Variants in SLC24A2 observed in about 807,000 individuals in gnomAD.
SLC24A2 encodes sodium/potassium/calcium exchanger 2.
Under a neutral mutation model 62.0 loss-of-function variants are expected in SLC24A2, and 36 were observed. The ratio of observed to expected loss-of-function variants is 0.58; its 90% confidence interval spans 0.44 to 0.77. The LOEUF is 0.77. Among genes scored for constraint, SLC24A2 ranks in the 30% least tolerant of loss-of-function variants. SLC24A2 has a pLI of 0.00. For synonymous variants in SLC24A2, 358 were observed against 294.0 expected (o/e 1.22, Z -2.23); for missense variants, 846 against 817.9 (o/e 1.03, Z -0.42).
At chr9:20,193,135 C>A in the SLC24A2 span, among the ~76,000 whole-genome samples, 1 of 152,086 alleles carries the variant, frequency 6.6e-6, no homozygotes, top group South Asian at 2.1e-4. Context: ...GGTGGTAGAA[C>A]AGTCCACATG....
the SLC24A2 span, among the ~76,000 whole-genome samples, chr9:20,087,879 A>G: frequency 1.3e-5 from 2 of 152,308 alleles, no homozygotes; most frequent in South Asian, 2.1e-4. Flanking sequence ...TGGGAGCAAC[A>G]TGGATCTAGA....
the SLC24A2 span, among the ~76,000 whole-genome samples, chr9:20,221,281 T>C: frequency 6.6e-6 from 1 of 152,044 alleles, no homozygotes; most frequent in Non-Finnish European, 1.5e-5. Flanking sequence ...AGAAAGCTAA[T>C]CGTGGCTTAG....
At chr9:20,306,225 C>T in the SLC24A2 span, among the ~76,000 whole-genome samples, 15 of 152,310 alleles carry the variant, frequency 9.8e-5, no homozygotes, top group African/African-American at 3.6e-4. Flanking sequence ...CAGAATGATT[C>T]TTTAACTCCT....
rs746434012 is a variant in SLC24A2, at chr9:19,786,572, G to T, written c.295C>A (p.Pro99Thr). The T allele has an allele frequency of 6.2e-7, 1 of 1,614,154 alleles. No individual in the cohort carries two copies. The highest frequency in any genetic ancestry group is 1.7e-5 in the Admixed American group (1 of 60,024). ...DLNDKILDYT[P>T]QPPLSKEGES... ...CCTTCCTTAGAAAGAGGTGGCTGTG[G>T]AGTATAATCCAGAATCTTGTCATTT... The change falls in exon 2 of 11, where the codon CCA becomes ACA. Residue 99 changes from proline (P) to threonine (T), a missense_variant. By Grantham distance (38) the Pro-to-Thr change is conservative (BLOSUM62 -1). Coordinates refer to ENST00000341998, the MANE Select transcript of SLC24A2 (RefSeq NM_020344.4). The surrounding 1 kb of genome is among the most constrained non-coding windows in gnomAD (Gnocchi z 5.0).
chr9:19,568,980 C>G (rs187681702), intron 7 of SLC24A2, among the ~76,000 whole-genome samples: 2 of 152,248 alleles, frequency 1.3e-5, no homozygotes, highest in Non-Finnish European at 2.9e-5. Context: ...ATACTGGATA[C>G]AATTTGGCAT....
chr9:19,523,790 T>C (rs548047919), intron 9 of SLC24A2, among the ~76,000 whole-genome samples: 1 of 152,240 alleles, frequency 6.6e-6, no homozygotes, highest in South Asian at 2.1e-4. Context: ...AACTCAGACA[T>C]TACTCCTTTC....
the SLC24A2 span, among the ~76,000 whole-genome samples, chr9:20,251,348 C>G: frequency 1.3e-4 from 19 of 150,480 alleles, no homozygotes; most frequent in East Asian, 4.0e-4. Context: ...CCTTCATGAG[C>G]TTTCTCATCC....
chr9:19,691,801 G>C (rs571272891), intron 2 of SLC24A2, among the ~76,000 whole-genome samples: 90 of 152,220 alleles, frequency 5.9e-4, no homozygotes, highest in African/African-American at 2.1e-3. Context: ...GACAAGGACT[G>C]GAGTTCAAGT....
chr9:20,149,177 C>G, the SLC24A2 span, among the ~76,000 whole-genome samples: 1 of 152,016 alleles, frequency 6.6e-6, no homozygotes, highest in African/African-American at 2.4e-5. Flanking sequence ...AGTCCAGCTT[C>G]CAACTGCAAT....
intron 2 of SLC24A2, among the ~76,000 whole-genome samples, chr9:19,675,523 G>A (rs1480010913): frequency 6.6e-6 from 1 of 152,118 alleles, no homozygotes; most frequent in Non-Finnish European, 1.5e-5. Flanking sequence ...TTCGGGTGCG[G>A]CTTGCTGTGC....
At chr9:20,052,431 G>A in the SLC24A2 span, among the ~76,000 whole-genome samples, 4 of 152,280 alleles carry the variant, frequency 2.6e-5, no homozygotes, top group South Asian at 8.3e-4. Context: ...CTGAAATAAG[G>A]AACAATTGCA....
the SLC24A2 span, among the ~76,000 whole-genome samples, chr9:20,187,964 T>A: frequency 0.094 from 14,274 of 152,242 alleles, 1,451 homozygotes; most frequent in East Asian, 0.48. Flanking sequence ...ACTGTGCAGA[T>A]CCTCAGGAGG....
the SLC24A2 span, among the ~76,000 whole-genome samples, chr9:20,288,662 G>T: frequency 6.7e-6 from 1 of 150,372 alleles, no homozygotes; most frequent in South Asian, 2.1e-4. Context: ...GAAGGCTGAT[G>T]CACAAGAATC....
At chr9:19,857,453 A>G in the SLC24A2 span, among the ~76,000 whole-genome samples, 5 of 152,196 alleles carry the variant, frequency 3.3e-5, no homozygotes, top group Non-Finnish European at 7.3e-5. Flanking sequence ...GAGGGCCATT[A>G]TTCAGTCTAT....
chr9:19,596,090 AG>A (rs1169652439), intron 5 of SLC24A2, among the ~76,000 whole-genome samples: 1 of 152,146 alleles, frequency 6.6e-6, no homozygotes, highest in Admixed American at 6.5e-5. Context: ...GGCTAGCAAA[AG>A]AGAAGGGCCT....
chr9:19,989,354 C>T, the SLC24A2 span, among the ~76,000 whole-genome samples: 40 of 152,102 alleles, frequency 2.6e-4, no homozygotes, highest in African/African-American at 8.4e-4. Flanking sequence ...GAGAATGAGT[C>T]GCTCTTAACA....
chr9:19,676,895 AG>A (rs1450720846), intron 2 of SLC24A2, among the ~76,000 whole-genome samples: 9 of 152,234 alleles, frequency 5.9e-5, no homozygotes, highest in Admixed American at 2.6e-4. Flanking sequence ...ATCTCACACC[AG>A]TCAGAATGGC....
At chr9:20,272,908 C>CA in the SLC24A2 span, among the ~76,000 whole-genome samples, 2 of 152,150 alleles carry the variant, frequency 1.3e-5, no homozygotes, top group Admixed American at 1.3e-4. Context: ...TTAGGTGTTG[C>CA]AAGTAAAGGT....
At chr9:19,861,943 G>C in the SLC24A2 span, among the ~76,000 whole-genome samples, 1 of 152,116 alleles carries the variant, frequency 6.6e-6, no homozygotes, top group Non-Finnish European at 1.5e-5. Flanking sequence ...ATGTCTACGG[G>C]ATCTAGAGAA....
Sources: gnomAD v4.1 joint callset for allele counts (sites outside exome capture counted in the v4.1 genomes callset) on GRCh38, gnomAD v4.1.1 for gene constraint, Gnocchi (gnomAD v3.1) non-coding constraint, MANE v1.5 for transcripts, NCBI Gene and HGNC (gene_info 2026-07-23, HGNC 2026-07-21) for gene names.